SEMA5A: variants seen among roughly 807,000 people sequenced by gnomAD.
SEMA5A encodes semaphorin 5A, also known as semaphorin-5A.
SEMA5A carries 55 observed loss-of-function variants against 135.5 expected under a neutral mutation model. The observed-to-expected ratio is 0.41, with a 90% confidence interval of 0.33 to 0.51. The LOEUF (loss-of-function observed/expected upper bound fraction) is 0.51. SEMA5A is among the 20% of genes least tolerant of loss of function. SEMA5A has a pLI of 0.37. For missense variants in SEMA5A, 1,290 were observed against 1,419.9 expected, an observed-to-expected ratio of 0.91 and a Z score of 1.47; for synonymous variants, 580 against 546.5, an observed-to-expected ratio of 1.06 and a Z score of -0.85.
chr5:9,464,425 T>C (rs545031893), intron 1 of SEMA5A, among the ~76,000 whole-genome samples: 2 of 152,358 alleles, frequency 1.3e-5, no homozygotes, highest in Admixed American at 6.5e-5. Context: ...AAGATGTTAA[T>C]AGTGCTTGCC....
At chr5:9,178,243 G>A (rs1223282564) in intron 11 of SEMA5A, among the ~76,000 whole-genome samples, 3 of 151,294 alleles carry the variant, frequency 2.0e-5, no homozygotes, top group Non-Finnish European at 4.4e-5. Flanking sequence ...TTTCAGTTAT[G>A]TTCAATTTGC....
chr5:9,052,058 C>G, intron 19 of SEMA5A, 30 bp from the exon 20 acceptor site: 2 of 1,537,124 alleles, frequency 1.3e-6, no homozygotes, highest in Non-Finnish European at 1.8e-6. Context: ...GGAGATGGGG[C>G]GGAATGGCCA....
intron 3 of SEMA5A, among the ~76,000 whole-genome samples, chr5:9,355,393 T>C (rs1754396227): frequency 6.6e-6 from 1 of 152,054 alleles, no homozygotes; most frequent in African/African-American, 2.4e-5. Context: ...ACCACAGTGG[T>C]CTAGAGAAGA....
rs143409048 is a variant in SEMA5A at position 9,395,493 on chromosome 5, G to A, written c.-77-15470C>T. On this transcript the variant is annotated intron_variant, in intron 2 of 22. Transcript: ENST00000382496. ...CTTACTTGCTAGACTCAGTTTACCT[G>A]GAGGGAAAAAAGTCACTTGTACCTA... Among the ~76,000 whole-genome samples the A allele has an allele frequency of 3.7e-3, 558 of 152,276 alleles. 17 individuals are homozygous for A. Among genetic ancestry groups the A allele is most frequent in the Admixed American group, 0.032 (482 of 15,296 alleles).
chr5:9,228,775 A>G (rs888289975), intron 6 of SEMA5A, among the ~76,000 whole-genome samples: 2 of 152,254 alleles, frequency 1.3e-5, no homozygotes, highest in Non-Finnish European at 1.5e-5. Context: ...GGCATGAAAG[A>G]TGCTGCATGA....
At chr5:9,362,847 T>C (rs1012084482) in intron 3 of SEMA5A, among the ~76,000 whole-genome samples, 1 of 152,270 alleles carries the variant, frequency 6.6e-6, no homozygotes, top group East Asian at 1.9e-4. Flanking sequence ...ACAAGTTTCA[T>C]TTTTTTATGT....
chr5:9,239,763 A>G (rs866424045), intron 5 of SEMA5A, among the ~76,000 whole-genome samples: 7 of 152,088 alleles, frequency 4.6e-5, no homozygotes, highest in South Asian at 2.1e-4. Context: ...TTACACAATT[A>G]CTAGGAAAAC....
chr5:9,209,546 T>A (rs1746230718), intron 8 of SEMA5A, among the ~76,000 whole-genome samples: 1 of 152,186 alleles, frequency 6.6e-6, no homozygotes, highest in South Asian at 2.1e-4. Flanking sequence ...GTTAAAAGAC[T>A]GAAAGAAAAC....
At chr5:9,152,463 T>C (rs562095607) in intron 12 of SEMA5A, among the ~76,000 whole-genome samples, 14 of 152,318 alleles carry the variant, frequency 9.2e-5, no homozygotes, top group African/African-American at 2.9e-4. Context: ...TATATAAGAA[T>C]GGCAGTTAAT....
intron 12 of SEMA5A, among the ~76,000 whole-genome samples, chr5:9,143,773 C>G (rs1742185978): frequency 6.6e-6 from 1 of 152,138 alleles, no homozygotes; most frequent in African/African-American, 2.4e-5. Flanking sequence ...CCGTTCCACT[C>G]CCTCTTTAAG....
In SEMA5A at chr5:9,458,075, T is replaced by C. The variant is rs527424607; in HGVS notation, c.-174-20223A>G. On this transcript the variant is annotated intron_variant, in intron 1 of 22. Coordinates refer to ENST00000382496, the MANE Select transcript of SEMA5A (RefSeq NM_003966.3). ...GCCACCCGCCAACACGCCCAGCTAA[T>C]TTTTTGTATTTTTAGTAGAGACGGG... Among the ~76,000 whole-genome samples the C allele has an allele frequency of 7.5e-3, 1,147 of 152,060 alleles. 15 individuals carry two copies. Among genetic ancestry groups the C allele is most frequent in the African/African-American group, 0.027 (1,111 of 41,474 alleles).
chr5:9,181,189 C>T (rs1345029405), intron 11 of SEMA5A, among the ~76,000 whole-genome samples: 1 of 152,120 alleles, frequency 6.6e-6, no homozygotes, highest in Non-Finnish European at 1.5e-5. Flanking sequence ...CTCAGAACCT[C>T]CCCAACTTGG....
At chr5:9,292,128 T>C (rs1579291790) in intron 5 of SEMA5A, among the ~76,000 whole-genome samples, 1 of 147,696 alleles carries the variant, frequency 6.8e-6, no homozygotes, top group South Asian at 2.1e-4. Flanking sequence ...ATGTCAAACA[T>C]GGAAATAATG....
rs149343950 is a variant in SEMA5A at position 9,160,500 on chromosome 5, C to T, written c.1274-5805G>A. Among the ~76,000 whole-genome samples the T allele has an allele frequency of 9.5e-3, 1,445 of 152,258 alleles. 17 individuals are homozygous for T. The highest frequency in any genetic ancestry group is 0.017 in the Non-Finnish European group (1,157 of 68,014). On this transcript the variant is annotated intron_variant, in intron 11 of 22. Transcript: ENST00000382496. ...TGAGAATAAGATAAAAGGATGATTTCCTAAAGAAACAAGGACCACATAACA... is the reference window on the plus strand; with the variant it reads ...TGAGAATAAGATAAAAGGATGATTTTCTAAAGAAACAAGGACCACATAACA...
chr5:9,340,731 A>G (rs1196654730), intron 3 of SEMA5A, among the ~76,000 whole-genome samples: 1 of 152,204 alleles, frequency 6.6e-6, no homozygotes, highest in Non-Finnish European at 1.5e-5. Flanking sequence ...AAAGTTGAGT[A>G]ATCTGCATAT....
chr5:9,171,358 C>T (rs1743911678), intron 11 of SEMA5A, among the ~76,000 whole-genome samples: 1 of 152,134 alleles, frequency 6.6e-6, no homozygotes. Context: ...AATATGAAAG[C>T]AAACAGCAAA....
intron 11 of SEMA5A, among the ~76,000 whole-genome samples, chr5:9,186,080 C>G (rs1194287173): frequency 6.6e-6 from 1 of 152,194 alleles, no homozygotes; most frequent in Non-Finnish European, 1.5e-5. Context: ...TAACAGAACT[C>G]CAGTCATAAA....
chr5:9,356,265 C>T (rs1013194264), intron 3 of SEMA5A, among the ~76,000 whole-genome samples: 3 of 152,142 alleles, frequency 2.0e-5, no homozygotes, highest in Non-Finnish European at 2.9e-5. Context: ...CTGCTTCTGC[C>T]TTCCAGTCAA....
At chr5:9,154,936 C>G (rs192030620) in intron 11 of SEMA5A, among the ~76,000 whole-genome samples, 2 of 152,240 alleles carry the variant, frequency 1.3e-5, no homozygotes, top group Admixed American at 1.3e-4. Context: ...GGGATGAGGA[C>G]TAATCATGTC....
Sources: allele counts gnomAD v4.1 joint callset (sites outside exome capture counted in the v4.1 genomes callset), GRCh38; gene constraint gnomAD v4.1.1; transcripts MANE v1.5; gene names NCBI Gene and HGNC (gene_info 2026-07-23, HGNC 2026-07-21).